RBFOX1: variants seen among roughly 807,000 people sequenced by gnomAD.
The protein encoded by RBFOX1 is RNA binding fox-1 homolog 1, also known as RNA binding protein fox-1 homolog 1.
Under a neutral mutation model 57.7 loss-of-function variants are expected in RBFOX1, and 8 were observed. That is an observed-to-expected ratio of 0.14 (90% CI 0.08 to 0.25). The LOEUF (loss-of-function observed/expected upper bound fraction) is 0.25. RBFOX1 is among the 10% of genes least tolerant of loss of function. The pLI, the probability that RBFOX1 is intolerant of heterozygous loss-of-function variation, is 1.00. For synonymous variants in RBFOX1, 326 were observed against 222.4 expected (o/e 1.47, Z -4.15); for missense variants, 611 against 548.5 (o/e 1.11, Z -1.14).
chr16:5,738,095 G>T (rs1392434474), intron 3 of RBFOX1, among the ~76,000 whole-genome samples: 1 of 151,466 alleles, frequency 6.6e-6, no homozygotes, highest in African/African-American at 2.4e-5. Flanking sequence ...TTATGAGTGA[G>T]AACATGCAGT....
chr16:6,690,448 A>AT (rs1463059266), intron 3 of RBFOX1, among the ~76,000 whole-genome samples: 1 of 152,180 alleles, frequency 6.6e-6, no homozygotes, highest in African/African-American at 2.4e-5. Flanking sequence ...ATGCAAAATG[A>AT]TTTTGCCTAC....
chr16:5,415,395 C>T (rs147817413), intron 1 of RBFOX1, among the ~76,000 whole-genome samples: 81 of 152,264 alleles, frequency 5.3e-4, no homozygotes, highest in Admixed American at 3.3e-3. Flanking sequence ...CACTTCCCAC[C>T]GATTCCCTCC....
intron 14 of RBFOX1, among the ~76,000 whole-genome samples, chr16:7,705,694 G>C (rs73498760): frequency 6.6e-6 from 1 of 151,970 alleles, no homozygotes; most frequent in Non-Finnish European, 1.5e-5. Flanking sequence ...TGGAGAGATG[G>C]ACAGACTTGA....
At chr16:6,497,788 C>G (rs1314299489) in intron 2 of RBFOX1, among the ~76,000 whole-genome samples, 1 of 151,992 alleles carries the variant, frequency 6.6e-6, no homozygotes, top group African/African-American at 2.4e-5. Flanking sequence ...AACTCCTGAC[C>G]TCAAGTGATC....
intron 3 of RBFOX1, among the ~76,000 whole-genome samples, chr16:6,818,169 C>A (rs545774136): frequency 5.9e-5 from 9 of 152,262 alleles, no homozygotes; most frequent in Admixed American, 5.9e-4. Context: ...AGGCATATGG[C>A]TTCCTGCCAC....
intron 3 of RBFOX1, among the ~76,000 whole-genome samples, chr16:5,706,241 T>A (rs550059581): frequency 6.6e-6 from 1 of 152,196 alleles, no homozygotes; most frequent in East Asian, 1.9e-4. Flanking sequence ...ATTTTTGTCT[T>A]AGAACATTCC....
intron 3 of RBFOX1, among the ~76,000 whole-genome samples, chr16:5,624,596 C>T (rs1376284980): frequency 6.6e-6 from 1 of 152,204 alleles, no homozygotes; most frequent in East Asian, 1.9e-4. Context: ...TTCCTCATCC[C>T]CCACCTGGGA....
chr16:6,552,114 G>A (rs576697900), intron 2 of RBFOX1, among the ~76,000 whole-genome samples: 6 of 152,138 alleles, frequency 3.9e-5, no homozygotes, highest in African/African-American at 1.4e-4. Flanking sequence ...CTTCCTGCTG[G>A]GACAATAATG....
At chr16:6,428,867 T>C (rs2094001116) in intron 2 of RBFOX1, among the ~76,000 whole-genome samples, 1 of 152,208 alleles carries the variant, frequency 6.6e-6, no homozygotes, top group African/African-American at 2.4e-5. Flanking sequence ...TGTGATTGTT[T>C]GTTTTACTAG....
At chr16:6,313,163 G>T (rs752636393) in intron 1 of RBFOX1, among the ~76,000 whole-genome samples, 3 of 152,138 alleles carry the variant, frequency 2.0e-5, no homozygotes, top group East Asian at 3.9e-4. Flanking sequence ...AGTCCATGGT[G>T]CTGGTACCCG....
At chr16:6,922,389 C>T (rs183436761) in intron 3 of RBFOX1, among the ~76,000 whole-genome samples, 13 of 152,282 alleles carry the variant, frequency 8.5e-5, no homozygotes, top group East Asian at 1.9e-4. Context: ...ATCTGCCACC[C>T]GGCACAGCAG....
intron 13 of RBFOX1, among the ~76,000 whole-genome samples, chr16:7,668,594 G>C (rs1179421090): frequency 6.6e-6 from 1 of 152,028 alleles, no homozygotes; most frequent in Non-Finnish European, 1.5e-5. Context: ...GGTGATGCGG[G>C]GGTTGTCTGA....
intron 3 of RBFOX1, among the ~76,000 whole-genome samples, chr16:5,824,140 C>A (rs2055952814): frequency 6.6e-6 from 1 of 152,170 alleles, no homozygotes; most frequent in Admixed American, 6.5e-5. Context: ...GTGCTCTTAT[C>A]CACTTTGAGG....
In RBFOX1 at chr16:5,994,950, G is replaced by T. The variant is rs189633314; in HGVS notation, c.351+127615G>T. On this transcript the variant is annotated intron_variant, in intron 4 of 19. Coordinates refer to the RBFOX1 transcript ENST00000641259. ...CACAGCAAAAGTGACATCCATCGATGCAGGAACCAAAAGCCCCAGCTTCAG... is the reference window on the plus strand; with the variant it reads ...CACAGCAAAAGTGACATCCATCGATTCAGGAACCAAAAGCCCCAGCTTCAG... Among the ~76,000 whole-genome samples, 155 of 152,304 alleles carry T rather than the reference G, an allele frequency of 1.0e-3. 2 individuals are homozygous for T. The highest frequency in any genetic ancestry group is 6.8e-3 in the Middle Eastern group (2 of 294).
At chr16:7,431,030 A>T (rs1202169055) in intron 4 of RBFOX1, among the ~76,000 whole-genome samples, 1 of 152,192 alleles carries the variant, frequency 6.6e-6, no homozygotes, top group Non-Finnish European at 1.5e-5. Flanking sequence ...ACAGGAGTCT[A>T]AGCCCACCCT....
intron 2 of RBFOX1, among the ~76,000 whole-genome samples, chr16:5,525,560 T>C (rs914286150): frequency 9.1e-5 from 13 of 142,634 alleles, no homozygotes; most frequent in African/African-American, 3.4e-4. Flanking sequence ...TGCAGTGGCG[T>C]GATCTCAGCT....
chr16:6,059,629 C>T (rs1265798038), intron 1 of RBFOX1, among the ~76,000 whole-genome samples: 2 of 152,060 alleles, frequency 1.3e-5, no homozygotes, highest in South Asian at 2.1e-4. Flanking sequence ...ATATTTTTGA[C>T]ACTTGAGGTT....
chr16:5,754,450 G>C (rs561565518), intron 3 of RBFOX1, among the ~76,000 whole-genome samples: 1 of 150,712 alleles, frequency 6.6e-6, no homozygotes, highest in South Asian at 2.1e-4. Flanking sequence ...CGAGAGATTT[G>C]GAAAAGAAAA....
intron 1 of RBFOX1, among the ~76,000 whole-genome samples, chr16:5,354,960 T>C (rs1264896434): frequency 6.6e-6 from 1 of 151,924 alleles, no homozygotes. Flanking sequence ...GTGGCTTGGT[T>C]TGTGATCAGC....
Sources: gnomAD v4.1 joint callset for allele counts (sites outside exome capture counted in the v4.1 genomes callset) on GRCh38, gnomAD v4.1.1 for gene constraint, MANE v1.5 for transcripts, NCBI Gene and HGNC (gene_info 2026-07-23, HGNC 2026-07-21) for gene names.